CASK: variants seen among roughly 807,000 people sequenced by gnomAD.
The protein encoded by CASK is peripheral plasma membrane protein CASK.
A neutral mutation model predicts 82.9 loss-of-function variants in CASK; 4 were observed. The ratio of observed to expected loss-of-function variants is 0.05; its 90% CI spans 0.02 to 0.11. The LOEUF (loss-of-function observed/expected upper bound fraction) is 0.11. Ranked by LOEUF, CASK falls within the 10% of genes least tolerant of loss-of-function variation. CASK has a pLI of 1.00. For missense variants in CASK, 358 were observed against 720.9 expected (o/e 0.50, Z 5.76); for synonymous variants, 259 against 253.5 (o/e 1.02, Z -0.20).
In CASK at chrX:41,573,223, G is replaced by T. The variant is rs867137087; in HGVS notation, c.1504-3477C>A. Among the ~76,000 whole-genome samples the T allele has an allele frequency of 5.2e-4, 49 of 94,734 alleles. 1 individual carries two copies. Among genetic ancestry groups the T allele is most frequent in the Admixed American group, 3.3e-3 (28 of 8,582 alleles). The allele number at this position is 94,734 out of a possible 115,157, so 82.3% of individuals were successfully genotyped here. On this transcript the variant is annotated intron_variant, in intron 15 of 26. Coordinates refer to ENST00000378163, the MANE Select transcript of CASK (RefSeq NM_001367721.1). ...TCCCAATTTCTTTCTTTTTTTTTTT[G>T]TTTTTTTTTGGTCTGTTTCTCAGAT...
intron 8 of CASK, among the ~76,000 whole-genome samples, chrX:41,657,473 T>C (rs772650892): frequency 8.9e-6 from 1 of 112,446 alleles, no homozygotes; most frequent in Non-Finnish European, 1.9e-5. Context: ...CTGAATGAGA[T>C]TCTAGTAATG....
intron 9 of CASK, among the ~76,000 whole-genome samples, chrX:41,628,101 T>C (rs1425878653): frequency 8.9e-6 from 1 of 112,680 alleles, no homozygotes; most frequent in Non-Finnish European, 1.9e-5. Flanking sequence ...TTGTAAAGCA[T>C]TCTGTAAGTG....
At chrX:41,644,775 CTT>C (rs2066726722) in intron 8 of CASK, among the ~76,000 whole-genome samples, 2 of 111,611 alleles carry the variant, frequency 1.8e-5, no homozygotes, top group African/African-American at 3.2e-5. Context: ...AACTGGCCCC[CTT>C]GAGGCGTACT....
At chrX:41,838,220 T>A (rs1365306319) in intron 2 of CASK, among the ~76,000 whole-genome samples, 1 of 112,198 alleles carries the variant, frequency 8.9e-6, no homozygotes, top group Non-Finnish European at 1.9e-5. Context: ...AATTTGCATT[T>A]CCCTAATGGA....
intron 8 of CASK, among the ~76,000 whole-genome samples, chrX:41,648,054 A>G (rs970089936): frequency 2.0e-4 from 22 of 112,405 alleles, no homozygotes; most frequent in African/African-American, 7.1e-4. Context: ...GAACAGAGCC[A>G]TATTTCTCTT....
intron 11 of CASK, among the ~76,000 whole-genome samples, chrX:41,612,381 C>G (rs12399937): frequency 2.0e-5 from 2 of 98,488 alleles, no homozygotes; most frequent in South Asian, 1.0e-3. Flanking sequence ...ACCCTCCGCC[C>G]GGCAACCGCC....
intron 18 of CASK, chrX:41,559,115 CA>C (rs1445941134): frequency 8.9e-6 from 1 of 112,130 alleles, no homozygotes; most frequent in Non-Finnish European, 1.9e-5. Context: ...ACAACCAACA[CA>C]AAACTGAATA....
At position 41,753,077 on chromosome X, in the gene CASK, A is replaced by G. The variant is rs944694687; in HGVS notation, c.279-7476T>C. Among the ~76,000 whole-genome samples, 8 of 112,124 alleles carry G rather than the reference A, an allele frequency of 7.1e-5. 1 individual carries two copies. The Middle Eastern group carries it at 0.023, about 320-fold the overall frequency. On this transcript the variant is annotated intron_variant, in intron 3 of 26. Transcript: ENST00000378163. ...TAGAATATTATATTGCCATTAAATG[A>G]TGTTATAGACATATATTTATTGACA...
At chrX:41,632,742 T>C (rs1248203422) in intron 9 of CASK, among the ~76,000 whole-genome samples, 2 of 111,576 alleles carry the variant, frequency 1.8e-5, no homozygotes, top group Non-Finnish European at 3.8e-5. Context: ...GAGAATACTT[T>C]TGCAATTTGC....
intron 7 of CASK, among the ~76,000 whole-genome samples, chrX:41,663,962 A>G (rs753575765): frequency 7.1e-5 from 8 of 111,927 alleles, no homozygotes; most frequent in Non-Finnish European, 1.3e-4. Context: ...AGAGCAACTT[A>G]CAACTTCCCT....
chrX:41,785,777 C>T (rs2069585495), intron 3 of CASK, among the ~76,000 whole-genome samples: 1 of 112,102 alleles, frequency 8.9e-6, no homozygotes, highest in Non-Finnish European at 1.9e-5. Context: ...GTGATCCTCA[C>T]CTCCTGATAT....
chrX:41,633,491 C>T (rs765614846), intron 9 of CASK, among the ~76,000 whole-genome samples: 17 of 111,056 alleles, frequency 1.5e-4, no homozygotes, highest in Non-Finnish European at 2.8e-4. Flanking sequence ...ATCATGCAGT[C>T]TGTCTCATGT....
At chrX:41,644,061 T>A (rs1249903638) in intron 8 of CASK, among the ~76,000 whole-genome samples, 1 of 112,336 alleles carries the variant, frequency 8.9e-6, no homozygotes, top group Non-Finnish European at 1.9e-5. Context: ...GTTCTGTTTA[T>A]ATGATGGATT....
At chrX:41,587,732 G>A (rs1252699729) in intron 13 of CASK, 1 of 112,171 alleles carries the variant, frequency 8.9e-6, no homozygotes, top group African/African-American at 3.2e-5. Context: ...GTTTTAAAAA[G>A]TTCTCCTTTA....
At chrX:41,604,698 G>A (rs958280364) in intron 12 of CASK, among the ~76,000 whole-genome samples, 2 of 111,644 alleles carry the variant, frequency 1.8e-5, no homozygotes, top group Non-Finnish European at 3.8e-5. Flanking sequence ...CATTTCATAC[G>A]AAGATCATCT....
At position 41,549,881 on chromosome X, in the gene CASK, GTGC is replaced by G. The variant is rs773237978; in HGVS notation, c.2039+3835_2039+3837del. On this transcript the variant is annotated intron_variant, in intron 21 of 26. Coordinates refer to ENST00000378163, the MANE Select transcript of CASK (RefSeq NM_001367721.1). ...AAAAATAAAAAATAAAAATGGCTGG[GTGC>G]TGCGGTGGCTCACACCTGTAATCCT... is the stretch of plus-strand genomic sequence containing the variant. Among the ~76,000 whole-genome samples, 592 of 107,897 alleles carry G rather than the reference GTGC, an allele frequency of 5.5e-3. 5 individuals are homozygous for G. The highest frequency in any genetic ancestry group is 0.019 in the African/African-American group (569 of 29,616). 93.7% of individuals were successfully genotyped at this position (107,897 alleles called of 115,157 possible).
At chrX:41,712,329 G>A (rs2067991636) in intron 5 of CASK, among the ~76,000 whole-genome samples, 1 of 112,348 alleles carries the variant, frequency 8.9e-6, no homozygotes, top group South Asian at 3.7e-4. Flanking sequence ...TAAATTCTTT[G>A]GTGTTTATCT....
At chrX:41,662,836 ATT>A (rs753603017) in intron 7 of CASK, among the ~76,000 whole-genome samples, 6 of 92,085 alleles carry the variant, frequency 6.5e-5, no homozygotes, top group Admixed American at 1.2e-4. Flanking sequence ...TTTGAAATCT[ATT>A]TTTTTTTTTT....
intron 2 of CASK, among the ~76,000 whole-genome samples, chrX:41,801,973 T>TG (rs1212117152): frequency 2.7e-5 from 3 of 111,273 alleles, no homozygotes; most frequent in African/African-American, 9.8e-5. Flanking sequence ...CAGAAGATTC[T>TG]TCTGTCAAAC....
Sources: allele counts gnomAD v4.1 joint callset (sites outside exome capture counted in the v4.1 genomes callset), GRCh38; gene constraint gnomAD v4.1.1; transcripts MANE v1.5; gene names NCBI Gene and HGNC (gene_info 2026-07-23, HGNC 2026-07-21).